The following OSBPL11 variants were observed in gnomAD, a reference collection of about 807,000 sequenced individuals.
OSBPL11 encodes the protein oxysterol binding protein like 11.
OSBPL11 carries 33 observed loss-of-function variants against 84.4 expected under a neutral mutation model. The ratio of observed to expected loss-of-function variants is 0.39; its 90% CI spans 0.30 to 0.52. The LOEUF is 0.52. Among genes scored for constraint, OSBPL11 ranks in the 20% least tolerant of loss-of-function variants. The pLI, the probability that OSBPL11 is intolerant of heterozygous loss-of-function variation, is 0.72. For synonymous variants in OSBPL11, 276 were observed against 310.2 expected (o/e 0.89, Z 1.16); for missense variants, 736 against 901.1 (o/e 0.82, Z 2.35).
chr3:125,530,628 A>G, intron 12 of OSBPL11, 48 bp from the exon 13 acceptor site: 1 of 1,473,012 alleles, frequency 6.8e-7, no homozygotes, highest in Non-Finnish European at 9.5e-7. Context: ...TATTATCAAA[A>G]TCAGTAACCA....
intron 6 of OSBPL11, among the ~76,000 whole-genome samples, chr3:125,564,912 C>A (rs1342781769): frequency 6.6e-6 from 1 of 152,202 alleles, no homozygotes; most frequent in African/African-American, 2.4e-5. Flanking sequence ...GACTCCGCAT[C>A]CCAAAGTGCT....
intron 8 of OSBPL11, among the ~76,000 whole-genome samples, chr3:125,555,228 T>A (rs1935976314): frequency 6.6e-6 from 1 of 152,184 alleles, no homozygotes; most frequent in African/African-American, 2.4e-5. Context: ...TTTGGACTCT[T>A]GGACCTTCAA....
Position 125,547,485 on chromosome 3 carries a change from T to C in OSBPL11, c.1762A>G (p.Ser588Gly), listed in dbSNP as rs757865056. 4 of 1,614,158 alleles carry C rather than the reference T, an allele frequency of 2.5e-6. No homozygotes were observed. The South Asian group carries it at 4.4e-5, about 18-fold the overall frequency. Reference sequence around the variant, plus strand: ...TATCCAGTTTTTGCACAGTTGACACTGACTTTGCCACCCAGTTCTACCCAA... The same window carrying C: ...TATCCAGTTTTTGCACAGTTGACACCGACTTTGCCACCCAGTTCTACCCAA... ...VPWVELGGKVSVNCAKTGYSA... is the reference protein window; with the variant it reads ...VPWVELGGKVGVNCAKTGYSA... The change falls in exon 10 of 13, where the codon AGT becomes GGT. Residue 588 changes from serine to glycine, a missense_variant. Around this residue, in one of 3 missense-constraint regions of OSBPL11, gnomAD observed 579 missense variants for 717.6 expected, o/e 0.81. Coordinates refer to ENST00000296220, the MANE Select transcript of OSBPL11 (RefSeq NM_022776.5).
At chr3:125,593,002 T>G (rs1051819593) in intron 1 of OSBPL11, among the ~76,000 whole-genome samples, 4 of 152,236 alleles carry the variant, frequency 2.6e-5, no homozygotes, top group African/African-American at 9.6e-5. Flanking sequence ...AAAAACTCAT[T>G]AGACTTCATG....
intron 6 of OSBPL11, among the ~76,000 whole-genome samples, chr3:125,565,704 TAAG>T (rs1936143213): frequency 6.6e-6 from 1 of 152,188 alleles, no homozygotes; most frequent in Non-Finnish European, 1.5e-5. Context: ...TGTTGCTTTG[TAAG>T]AAGAGAAAAT....
At chr3:125,576,074 G>T in intron 5 of OSBPL11, 115 bp downstream of exon 5, 1 of 889,978 alleles carries the variant, frequency 1.1e-6, no homozygotes, top group Non-Finnish European at 1.7e-6. Flanking sequence ...CAGCATACTA[G>T]ATAGGAAACA....
chr3:125,594,582 G>A (rs1252486437), intron 1 of OSBPL11, 55 bp downstream of exon 1: 3 of 1,579,484 alleles, frequency 1.9e-6, no homozygotes, highest in Middle Eastern at 2.3e-4. Context: ...CAGCCTCCAG[G>A]GCATATTCAC....
intron 6 of OSBPL11, among the ~76,000 whole-genome samples, chr3:125,565,180 G>A (rs774425867): frequency 6.6e-6 from 1 of 152,106 alleles, no homozygotes; most frequent in Non-Finnish European, 1.5e-5. Context: ...GGGAGGTTGA[G>A]CTGCAGTGAG....
Position 125,586,516 on chromosome 3 carries a change from C to CTT in OSBPL11, c.165-3540_165-3539dup, listed in dbSNP as rs554411650. On this transcript the variant is annotated intron_variant, in intron 1 of 12. Coordinates refer to ENST00000296220, the MANE Select transcript of OSBPL11 (RefSeq NM_022776.5). ...CTCCATTACTATAACATACATATTTCTTTTTTTTTTTTTTGAGATGGAGTC... is the reference window on the plus strand; with the variant it reads ...CTCCATTACTATAACATACATATTTCTTTTTTTTTTTTTTTTGAGATGGAGTC... 1.5e-3 allele frequency among the ~76,000 whole-genome samples: 209 copies of CTT among 143,488 alleles called. 3 individuals are homozygous for CTT. The highest frequency in any genetic ancestry group is 5.0e-3 in the African/African-American group (197 of 39,348). 94.1% of individuals were successfully genotyped at this position (143,488 alleles called of 152,430 possible). A position where few individuals can be genotyped will look rare whatever the true frequency, so the allele number is the denominator to read the frequency against.
In OSBPL11 at chr3:125,552,517, G is replaced by C; in HGVS notation, c.1318C>G (p.Arg440Gly). The C allele has an allele frequency of 6.2e-7, 1 of 1,614,070 alleles. No individual in the cohort carries two copies. ...EYYLTSFHEG[R>G]KGAIAKKPYN... ...GGTTTTTTAGCAATGGCTCCCTTAC[G>C]GCCTTCATGAAATGAGGTAAGGTAG... Residue 440 changes from arginine to glycine, a missense_variant, in exon 9 of 13, where the codon CGT becomes GGT. This residue lies in a region of OSBPL11 where 579 missense variants were observed against 717.6 expected (regional missense o/e 0.81). Coordinates refer to ENST00000296220, the MANE Select transcript of OSBPL11 (RefSeq NM_022776.5).
At chr3:125,582,811 C>A in intron 2 of OSBPL11, 99 bp downstream of exon 2, 1 of 903,974 alleles carries the variant, frequency 1.1e-6, no homozygotes, top group Non-Finnish European at 1.7e-6. Context: ...AAAGGTTTCC[C>A]AGCCATGTCT....
At chr3:125,535,994 G>T (rs1050984332) in intron 11 of OSBPL11, among the ~76,000 whole-genome samples, 1 of 151,882 alleles carries the variant, frequency 6.6e-6, no homozygotes, top group South Asian at 2.1e-4. Context: ...AATCAGTTGG[G>T]TGTGGTGGTG....
intron 2 of OSBPL11, among the ~76,000 whole-genome samples, chr3:125,581,999 A>AATT (rs1936434674): frequency 1.3e-5 from 2 of 151,948 alleles, no homozygotes; most frequent in Non-Finnish European, 2.9e-5. Flanking sequence ...ATTAATTAAT[A>AATT]TAAAATAAAA....
rs1935923213 is a variant in OSBPL11, at chr3:125,552,266, T to C, written c.1569A>G (p.Thr523=). The change falls in exon 9 of 13, where the codon ACA becomes ACG. Residue 523 remains threonine (T), a synonymous_variant. Transcript: ENST00000296220. ...GCGCATTTACACACATCTTCCTCTC[T>C]GTACATTCTGCATAAAATCCTGAGA... is the stretch of plus-strand genomic sequence containing the variant. ...PPVSGFYAEC[T]ERKMCVNAHV... 3 of 1,613,952 alleles carry C rather than the reference T, an allele frequency of 1.9e-6. No individual in the cohort carries two copies. Among genetic ancestry groups the C allele is most frequent in the Non-Finnish European group, 1.7e-6 (2 of 1,180,010 alleles).
At chr3:125,591,571 AC>A (rs1480918792) in intron 1 of OSBPL11, among the ~76,000 whole-genome samples, 1 of 152,156 alleles carries the variant, frequency 6.6e-6, no homozygotes, top group East Asian at 1.9e-4. Flanking sequence ...ACTGAATTGC[AC>A]CAAGAGTCTC....
At position 125,576,441 on chromosome 3, in the gene OSBPL11, TTAA is replaced by T. The variant is rs1405902052; in HGVS notation, c.490-79_490-77del. The stretch of plus-strand genomic sequence containing the variant: ...TTCTAACCATCAAACTACCATACAC[TTAA>T]GATTTACACATGAGCAGCGTTTAAA... On this transcript the variant is annotated intron_variant, in intron 4 of 12. Coordinates refer to ENST00000296220, the MANE Select transcript of OSBPL11 (RefSeq NM_022776.5). The T allele has an allele frequency of 2.5e-5, 30 of 1,181,924 alleles. 1 individual carries two copies. The highest frequency in any genetic ancestry group is 4.6e-4 in the Middle Eastern group (2 of 4,380). 73.2% of individuals were successfully genotyped at this position (1,181,924 alleles called of 1,614,324 possible). A position where few individuals can be genotyped will look rare whatever the true frequency, so the allele number is the denominator to read the frequency against.
intron 1 of OSBPL11, among the ~76,000 whole-genome samples, chr3:125,589,250 A>C (rs1405044642): frequency 6.6e-6 from 1 of 151,744 alleles, no homozygotes; most frequent in South Asian, 2.1e-4. Flanking sequence ...ACTGAGGCAC[A>C]AGAATCGCTT....
At chr3:125,590,077 T>G (rs1026686353) in intron 1 of OSBPL11, among the ~76,000 whole-genome samples, 2 of 152,054 alleles carry the variant, frequency 1.3e-5, no homozygotes, top group Non-Finnish European at 2.9e-5. Context: ...ACAAAAATAA[T>G]GAAAACATGC....
intron 4 of OSBPL11, among the ~76,000 whole-genome samples, 198 bp downstream of exon 4, chr3:125,578,762 C>G (rs1559846559): frequency 6.7e-6 from 1 of 150,282 alleles, no homozygotes; most frequent in Non-Finnish European, 1.5e-5. Context: ...CAGAGAGAGA[C>G]TCCGTCTCAA....
Sources: gnomAD v4.1 joint callset for allele counts (sites outside exome capture counted in the v4.1 genomes callset) on GRCh38, gnomAD v4.1.1 for gene constraint, gnomAD v4.1.1 regional missense constraint, MANE v1.5 for transcripts, NCBI Gene and HGNC (gene_info 2026-07-23, HGNC 2026-07-21) for gene names.